DPRX: variants seen among roughly 807,000 people sequenced by gnomAD.
The protein encoded by DPRX is divergent-paired related homeobox.
In DPRX, 11 loss-of-function variants were observed where a neutral mutation model predicts 8.4. The ratio of observed to expected loss-of-function variants is 1.31; its 90% confidence interval spans 0.82 to 2.17. The LOEUF (loss-of-function observed/expected upper bound fraction) is 2.17, where lower values mean the gene tolerates loss of function less well. Among genes scored for constraint, DPRX ranks in the 30% most tolerant of loss-of-function variants. DPRX has a pLI of 0.00. For missense variants in DPRX, 211 were observed against 236.7 expected (o/e 0.89, Z 0.71); for synonymous variants, 72 against 87.0 (o/e 0.83, Z 0.96).
the DPRX span, chr19:53,603,350 A>G: frequency 2.2e-6 from 1 of 456,252 alleles, no homozygotes; most frequent in Admixed American, 2.4e-5. Flanking sequence ...GCCACTGCTC[A>G]CCAAGCAGAA....
At chr19:53,618,688 A>ATTT in the DPRX span, among the ~76,000 whole-genome samples, 10 of 139,506 alleles carry the variant, frequency 7.2e-5, no homozygotes, top group Non-Finnish European at 1.1e-4. Flanking sequence ...TTGTCTCCAG[A>ATTT]TTTTTTTTTT....
rs146798510 is a variant in DPRX, at chr19:53,634,815, C to A, written c.183+130C>A. ...CCCCAAACCCACACTCTCCTACTCA[C>A]GTCCCCGTAAACCTTTCTTCAACCC... On this transcript the variant is annotated intron_variant, in intron 2 of 2. Transcript: ENST00000376650. The A allele has an allele frequency of 8.0e-4, 1,027 of 1,286,336 alleles. 7 individuals carry two copies. The African/African-American group carries it at 0.013, about 17-fold the overall frequency. 79.7% of individuals were successfully genotyped at this position (1,286,336 alleles called of 1,614,324 possible).
At chr19:53,612,868 ATTCCTCCTGGCCTCTCTGAGCAGCCT>A in the DPRX span, among the ~76,000 whole-genome samples, 1 of 152,284 alleles carries the variant, frequency 6.6e-6, no homozygotes, top group Non-Finnish European at 1.5e-5. Context: ...GTCTCTCTGC[ATTCCTCCTGGCCTCTCTGAGCAGCCT>A]TCCCTCCTGC....
chr19:53,605,400 G>A, the DPRX span, among the ~76,000 whole-genome samples: 12 of 148,164 alleles, frequency 8.1e-5, no homozygotes, highest in East Asian at 8.0e-4. Context: ...TTTTTGAGAC[G>A]GAGTCTCGCT....
At chr19:53,620,087 T>C in the DPRX span, among the ~76,000 whole-genome samples, 1 of 152,032 alleles carries the variant, frequency 6.6e-6, no homozygotes, top group Non-Finnish European at 1.5e-5. Context: ...ACTTTCTTCT[T>C]TAGACAGGGT....
At chr19:53,616,135 C>T in the DPRX span, among the ~76,000 whole-genome samples, 3 of 151,948 alleles carry the variant, frequency 2.0e-5, no homozygotes, top group African/African-American at 7.2e-5. Context: ...GTCTGTAATC[C>T]CAGCTATTCG....
chr19:53,629,996 CA>C (rs2091085861), upstream of DPRX: 2 of 150,966 alleles, frequency 1.3e-5, no homozygotes, highest in African/African-American at 4.9e-5. Flanking sequence ...CACCTGAGGT[CA>C]GGAGTTTGAG....
chr19:53,627,373 A>G (rs1448564145), upstream of DPRX, among the ~76,000 whole-genome samples: 1 of 151,130 alleles, frequency 6.6e-6, no homozygotes, highest in East Asian at 2.0e-4. Flanking sequence ...CTCTCACAAG[A>G]GGGAAGGAGT....
At chr19:53,623,306 C>CAAAAAAAAAA in the DPRX span, among the ~76,000 whole-genome samples, 1 of 77,726 alleles carries the variant, frequency 1.3e-5, no homozygotes, top group African/African-American at 4.5e-5. Flanking sequence ...GACTCTGTCT[C>CAAAAAAAAAA]AAAAAAATAA....
At chr19:53,619,412 C>T in the DPRX span, among the ~76,000 whole-genome samples, 24 of 152,154 alleles carry the variant, frequency 1.6e-4, no homozygotes, top group Middle Eastern at 3.4e-3. Context: ...CGGTGGCTCA[C>T]GCCTGTAATC....
At chr19:53,605,625 C>T in the DPRX span, among the ~76,000 whole-genome samples, 18 of 151,914 alleles carry the variant, frequency 1.2e-4, no homozygotes, top group Admixed American at 5.9e-4. Flanking sequence ...CACTGCACCC[C>T]GCCCCATTTT....
chr19:53,631,059 C>T (rs1013259132), upstream of DPRX, among the ~76,000 whole-genome samples: 6 of 151,868 alleles, frequency 4.0e-5, no homozygotes, highest in Non-Finnish European at 7.4e-5. Flanking sequence ...GTTGGCCAGG[C>T]TGGTCTCGAA....
chr19:53,627,438 TC>T (rs60130285), upstream of DPRX, among the ~76,000 whole-genome samples: 61,692 of 131,048 alleles, frequency 0.47, 15,988 homozygotes, highest in Non-Finnish European at 0.57. Context: ...TTTCTTTCTT[TC>T]TTTTTTTTTT....
At chr19:53,602,267 G>GGTATGT in the DPRX span, 2 of 276,096 alleles carry the variant, frequency 7.2e-6, no homozygotes, top group Middle Eastern at 1.1e-3. Flanking sequence ...TATGGGTATG[G>GGTATGT]GTGTGTGTGT....
At chr19:53,615,860 T>A in the DPRX span, among the ~76,000 whole-genome samples, 5,598 of 151,988 alleles carry the variant, frequency 0.037, 114 homozygotes, top group Middle Eastern at 0.089. Flanking sequence ...CCTAGCACTT[T>A]GGGAGGCCAA....
the DPRX span, among the ~76,000 whole-genome samples, chr19:53,613,764 G>C: frequency 6.6e-6 from 1 of 151,902 alleles, no homozygotes; most frequent in Non-Finnish European, 1.5e-5. Context: ...CATAACAAGA[G>C]TTTCATACGG....
the DPRX span, chr19:53,602,312 G>GTGTGTC: frequency 6.1e-3 from 1,923 of 316,276 alleles, 55 homozygotes; most frequent in African/African-American, 0.044. Flanking sequence ...GTGTGTGTGT[G>GTGTGTC]CCAGCCTCCC....
exon 1 of DPRX, chr19:53,632,131 A>G (rs913481258): frequency 2.9e-5 from 47 of 1,614,028 alleles, no homozygotes; most frequent in Non-Finnish European, 4.0e-5. Flanking sequence ...GGATCTTCGT[A>G]AAGGTAAGCC....
At chr19:53,619,385 A>G in the DPRX span, among the ~76,000 whole-genome samples, 1 of 152,108 alleles carries the variant, frequency 6.6e-6, no homozygotes, top group Non-Finnish European at 1.5e-5. Flanking sequence ...CTAAAAATGC[A>G]GAAAACAGGC....
Sources: gnomAD v4.1 joint callset for allele counts (sites outside exome capture counted in the v4.1 genomes callset) on GRCh38, gnomAD v4.1.1 for gene constraint, MANE v1.5 for transcripts, NCBI Gene and HGNC (gene_info 2026-07-23, HGNC 2026-07-21) for gene names.